The following FILIP1L variants were observed in gnomAD, a reference collection of about 807,000 sequenced individuals.
FILIP1L encodes filamin A interacting protein 1 like.
Under a neutral mutation model 96.6 loss-of-function variants are expected in FILIP1L, and 55 were observed. The ratio of observed to expected loss-of-function variants is 0.57; its 90% CI spans 0.46 to 0.71. FILIP1L has a LOEUF of 0.71. Among genes scored for constraint, FILIP1L ranks in the 30% least tolerant of loss-of-function variants. FILIP1L has a pLI of 0.00. For missense variants in FILIP1L, 1,304 were observed against 1,321.2 expected, an observed-to-expected ratio of 0.99 and a Z score of 0.20; for synonymous variants, 467 against 473.9, an observed-to-expected ratio of 0.99 and a Z score of 0.19.
rs1188739999 is a variant in FILIP1L, at chr3:100,101,879, T to C, written c.-11+12174A>G. Among the ~76,000 whole-genome samples, 52 of 152,174 alleles carry C rather than the reference T, an allele frequency of 3.4e-4. 1 individual carries two copies. The highest frequency in any genetic ancestry group is 2.3e-3 in the Admixed American group (35 of 15,270). On this transcript the variant is annotated intron_variant, in intron 1 of 5. Coordinates refer to ENST00000477258, the MANE Select transcript of FILIP1L (RefSeq NM_001387850.1). Reference sequence around the variant, plus strand: ...AGTGAGAACATGCAGTGTTTGGTTTTTTGTCCTTGCGATAGTTTGCTGAGA... The same window carrying C: ...AGTGAGAACATGCAGTGTTTGGTTTCTTGTCCTTGCGATAGTTTGCTGAGA...
Position 99,930,542 on chromosome 3 carries a change from T to C in FILIP1L, c.252+227A>G, listed in dbSNP as rs148642060. Reference sequence around the variant, plus strand: ...AGCAGCATGGGCAGAGGATGTGACCTTTCACGACCTGTATGCCAATCACAT... The same window carrying C: ...AGCAGCATGGGCAGAGGATGTGACCCTTCACGACCTGTATGCCAATCACAT... On this transcript the variant is annotated intron_variant, in intron 2 of 5. Coordinates refer to ENST00000477258, the MANE Select transcript of FILIP1L (RefSeq NM_001387850.1). 2.3e-3 allele frequency among the ~76,000 whole-genome samples: 343 copies of C among 152,312 alleles called. 6 individuals are homozygous for C. The highest frequency in any genetic ancestry group is 7.4e-3 in the African/African-American group (307 of 41,580).
At chr3:99,860,680 A>C (rs1217029487) in intron 4 of FILIP1L, among the ~76,000 whole-genome samples, 2 of 152,180 alleles carry the variant, frequency 1.3e-5, no homozygotes, top group Non-Finnish European at 2.9e-5. Context: ...TGAAAGGGCC[A>C]GGTGGAGACT....
At chr3:99,960,913 G>C (rs965630154) in intron 1 of FILIP1L, among the ~76,000 whole-genome samples, 5 of 152,196 alleles carry the variant, frequency 3.3e-5, no homozygotes, top group African/African-American at 1.2e-4. Flanking sequence ...GACCAACAAA[G>C]TGAAATGTAA....
intron 1 of FILIP1L, among the ~76,000 whole-genome samples, chr3:99,997,398 GTAT>G (rs1341600651): frequency 2.0e-5 from 3 of 152,188 alleles, no homozygotes; most frequent in Non-Finnish European, 4.4e-5. Flanking sequence ...CCTCACAAGT[GTAT>G]TATTGGGAAA....
chr3:100,014,645 G>A (rs1023624737), intron 1 of FILIP1L, among the ~76,000 whole-genome samples: 2 of 151,924 alleles, frequency 1.3e-5, no homozygotes, highest in Non-Finnish European at 2.9e-5. Context: ...CTTCTTTTGA[G>A]AAATGTCTTT....
chr3:99,938,076 C>CGT (rs1343702369), intron 1 of FILIP1L, among the ~76,000 whole-genome samples: 90 of 62,214 alleles, frequency 1.4e-3, no homozygotes, highest in African/African-American at 6.2e-3. Flanking sequence ...TGTGTGTGTG[C>CGT]GCGCGCGCGC....
At chr3:99,900,612 A>T (rs1706404083) in intron 4 of FILIP1L, among the ~76,000 whole-genome samples, 1 of 152,222 alleles carries the variant, frequency 6.6e-6, no homozygotes, top group Non-Finnish European at 1.5e-5. Flanking sequence ...TGTTCCAACC[A>T]TTTCTTCACA....
chr3:99,876,105 G>A (rs181840294), intron 4 of FILIP1L: 2 of 986,376 alleles, frequency 2.0e-6, no homozygotes, highest in Admixed American at 6.1e-5. Context: ...GGCGGGGGCC[G>A]GGCCGGGGCC....
In FILIP1L at chr3:99,936,905, C is replaced by T. The variant is rs1315560380; in HGVS notation, c.-10-5875G>A. Among the ~76,000 whole-genome samples the T allele has an allele frequency of 8.5e-5, 13 of 152,188 alleles. No homozygotes were observed. In the East Asian group the frequency reaches 9.7e-4, roughly 11 times the overall value. ...CCCTACTATGTCAAGTATTGTGCTA[C>T]GCAATTTTGTTTTAACTAGCTTATT... On this transcript the variant is annotated intron_variant, in intron 1 of 5. Transcript: ENST00000477258.
chr3:100,014,884 TTTC>T (rs1243208566), intron 1 of FILIP1L, among the ~76,000 whole-genome samples: 2 of 125,704 alleles, frequency 1.6e-5, no homozygotes, highest in African/African-American at 2.8e-5. Flanking sequence ...CTTTTTTTTT[TTTC>T]TTTCTTTCTT....
intron 4 of FILIP1L, among the ~76,000 whole-genome samples, chr3:99,881,352 A>G (rs912565807): frequency 6.6e-6 from 1 of 152,172 alleles, no homozygotes; most frequent in Non-Finnish European, 1.5e-5. Flanking sequence ...TTTTGAGAAA[A>G]TGTTGAACTC....
At chr3:100,071,005 G>C (rs1163572929) in intron 1 of FILIP1L, among the ~76,000 whole-genome samples, 1 of 149,492 alleles carries the variant, frequency 6.7e-6, no homozygotes, top group Non-Finnish European at 1.5e-5. Flanking sequence ...TTGCTTTTAA[G>C]CTATTCAGTT....
At chr3:99,913,917 G>A (rs1053344476) in intron 4 of FILIP1L, among the ~76,000 whole-genome samples, 1 of 152,202 alleles carries the variant, frequency 6.6e-6, no homozygotes, top group Admixed American at 6.5e-5. Flanking sequence ...ATTTCAGAGT[G>A]TTACTGAGAA....
Position 99,844,417 on chromosome 3 carries a change from A to G in FILIP1L, c.3381+3878T>C, listed in dbSNP as rs115591842. Among the ~76,000 whole-genome samples, 570 of 152,244 alleles carry G rather than the reference A, an allele frequency of 3.7e-3. 7 individuals carry two copies. Among genetic ancestry groups the G allele is most frequent in the African/African-American group, 0.013 (549 of 41,530 alleles). On this transcript the variant is annotated intron_variant, in intron 5 of 5. Transcript: ENST00000477258. The stretch of plus-strand genomic sequence containing the variant: ...CTTGGGATTACAAAGCAAAATGATT[A>G]TTTGGAGGAAAAAAATCTTAATAAC...
chr3:99,958,510 A>G (rs1391896802), intron 1 of FILIP1L, among the ~76,000 whole-genome samples: 1 of 152,184 alleles, frequency 6.6e-6, no homozygotes, highest in African/African-American at 2.4e-5. Context: ...TTGAGAGCCA[A>G]CAAGAATTAT....
At chr3:100,023,037 A>C (rs1327910508) in intron 1 of FILIP1L, among the ~76,000 whole-genome samples, 1 of 152,138 alleles carries the variant, frequency 6.6e-6, no homozygotes, top group Admixed American at 6.6e-5. Flanking sequence ...CATGAGTTTC[A>C]GGTGTTTTAA....
At chr3:99,888,268 A>T (rs1389065750) in intron 4 of FILIP1L, among the ~76,000 whole-genome samples, 1 of 152,072 alleles carries the variant, frequency 6.6e-6, no homozygotes, top group Non-Finnish European at 1.5e-5. Context: ...TGGGAGGCTG[A>T]GGTGGGAGGA....
chr3:100,101,602 G>A (rs2066306578), intron 1 of FILIP1L, among the ~76,000 whole-genome samples: 9 of 152,054 alleles, frequency 5.9e-5, no homozygotes, highest in Admixed American at 5.9e-4. Context: ...AGGAGGGGTT[G>A]GGATGTTTTT....
chr3:99,849,883 A>G lies in FILIP1L; in HGVS notation c.1793T>C (p.Ile598Thr), dbSNP rs756131330. Residue 598 changes from isoleucine (I) to threonine (T), a missense_variant, in exon 5 of 6, where the codon ATT becomes ACT. Physicochemically the swap from Ile to Thr is moderately conservative, Grantham distance 89. Transcript: ENST00000477258. ...TTTGTTTTTTAGGAAATCTTTCTCA[A>G]TTGCTTCCAATGATTGAAGCCTATT... ...LKNRLQSLEAIEKDFLKNKLN... is the reference protein window; with the variant it reads ...LKNRLQSLEATEKDFLKNKLN... The G allele has an allele frequency of 6.8e-5, 109 of 1,611,420 alleles. No homozygotes were observed. The highest frequency in any genetic ancestry group is 8.7e-5 in the Non-Finnish European group (103 of 1,179,542).
Sources: gnomAD v4.1 joint callset for allele counts (sites outside exome capture counted in the v4.1 genomes callset) on GRCh38, gnomAD v4.1.1 for gene constraint, MANE v1.5 for transcripts, NCBI Gene and HGNC (gene_info 2026-07-23, HGNC 2026-07-21) for gene names.